BRD2: variants seen among roughly 807,000 people sequenced by gnomAD.
BRD2 encodes bromodomain-containing protein 2.
BRD2 carries 15 observed loss-of-function variants against 79.1 expected under a neutral mutation model. The ratio of observed to expected loss-of-function variants is 0.19; its 90% CI spans 0.13 to 0.29. The LOEUF (loss-of-function observed/expected upper bound fraction) is 0.29, where lower values mean the gene tolerates loss of function less well. BRD2 is among the 10% of genes least tolerant of loss of function. The probability of loss-of-function intolerance (pLI) is 1.00; values close to 1 mark genes in which losing one functional copy is unlikely to be tolerated. For missense variants in BRD2, 1,053 were observed against 991.3 expected, an observed-to-expected ratio of 1.06 and a Z score of -0.84; for synonymous variants, 488 against 358.6, an observed-to-expected ratio of 1.36 and a Z score of -4.08.
intron 11 of BRD2, 64 bp downstream of exon 11, chr6:32,980,196 GT>G: frequency 6.3e-7 from 1 of 1,578,318 alleles, no homozygotes; most frequent in Non-Finnish European, 8.6e-7. Context: ...GGTGGGGTCT[GT>G]TTGCATTCAG....
At chr6:32,973,952 G>A (rs1265517616) in intron 2 of BRD2, among the ~76,000 whole-genome samples, 2 of 152,060 alleles carry the variant, frequency 1.3e-5, no homozygotes, top group Non-Finnish European at 2.9e-5. Flanking sequence ...TGTGGAAGAT[G>A]GTGCTCTCTC....
rs1779399190 is a variant in BRD2, at chr6:32,980,587, G to A, written c.2275G>A (p.Glu759Lys). ...CTTTCGAATTTGTTCTGCAGCGAAT[G>A]AGAAAACAGAGTCATCCTCTGCACA... ...STKKPPKKAN[E>K]KTESSSAQQV... Residue 759 changes from glutamate (E) to lysine (K), a missense_variant, in exon 13 of 13, where the codon GAG (glutamate) becomes AAG (lysine). Transcript: ENST00000374825. 3 of 1,613,000 alleles carry A rather than the reference G, an allele frequency of 1.9e-6. No individual in the cohort carries two copies. Among genetic ancestry groups the A allele is most frequent in the Non-Finnish European group, 2.5e-6 (3 of 1,180,048 alleles).
intron 4 of BRD2, 66 bp downstream of exon 4, chr6:32,975,587 T>C (rs899307138): frequency 7.0e-6 from 11 of 1,575,060 alleles, no homozygotes; most frequent in African/African-American, 6.8e-5. Context: ...TTGCTGGATA[T>C]GTTGTCTACA....
chr6:32,979,747 G>C, intron 10 of BRD2, 81 bp from the exon 11 acceptor site: 2 of 1,479,816 alleles, frequency 1.4e-6, no homozygotes, highest in Admixed American at 2.2e-5. Context: ...GCAGGAAATA[G>C]GATCACTGAA....
In BRD2 at chr6:32,972,036, G is replaced by T; in HGVS notation, c.-863G>T. On this transcript the variant is annotated 5_prime_UTR_variant, in exon 2 of 13. Transcript: ENST00000374825. ...CGGCTGGCCAATAGAAAAAGCTCCC[G>T]CGGAGAGGTGTTCCTTCCCCTTCGA... 1 of 701,778 alleles carries T rather than the reference G, an allele frequency of 1.4e-6. No homozygotes were observed. The allele number at this position is 701,778 out of a possible 1,614,324, so 43.5% of individuals were successfully genotyped here.
At position 32,972,121 on chromosome 6, in the gene BRD2, A is replaced by G; in HGVS notation, c.-778A>G. The G allele has an allele frequency of 1.5e-6, 1 of 680,066 alleles. No individual in the cohort carries two copies. The highest frequency in any genetic ancestry group is 2.7e-5 in the East Asian group (1 of 36,370). 42.1% of individuals were successfully genotyped at this position (680,066 alleles called of 1,614,324 possible). On this transcript the variant is annotated 5_prime_UTR_variant, in exon 2 of 13. Coordinates refer to ENST00000374825, the MANE Select transcript of BRD2 (RefSeq NM_005104.4). ...GCGCGGAGGGGGTGGGGAAAAGCTC[A>G]AGCAGGGTGGCGCGCATGAGCGGCG...
Position 32,975,026 on chromosome 6 carries a change from C to A in BRD2, c.333+261C>A, listed in dbSNP as rs1479988828. The A allele has an allele frequency of 7.2e-6, 11 of 1,527,018 alleles. No homozygotes were observed. The East Asian group carries it at 2.7e-4, about 38-fold the overall frequency. The allele number at this position is 1,527,018 out of a possible 1,614,324, so 94.6% of individuals were successfully genotyped here. A position where few individuals can be genotyped will look rare whatever the true frequency, so the allele number is the denominator to read the frequency against. On this transcript the variant is annotated intron_variant, in intron 3 of 12. Coordinates refer to ENST00000374825, the MANE Select transcript of BRD2 (RefSeq NM_005104.4). ...GCCCTGGCTCCATTTTACAGATTCC[C>A]ACCTCGGGTTGGGAGAGGACCACGG...
Position 32,977,483 on chromosome 6 carries a change from T to G in BRD2, c.1242T>G (p.Phe414Leu). 1.2e-6 allele frequency: 2 copies of G among 1,614,048 alleles called. No homozygotes were observed. Among genetic ancestry groups the G allele is most frequent in the South Asian group, 2.2e-5 (2 of 91,086 alleles). The change falls in exon 8 of 13, where the codon TTT (phenylalanine) becomes TTG (leucine). Residue 414 changes from phenylalanine to leucine, a missense_variant. Phe to Leu is a conservative substitution (Grantham distance 22). This residue lies in a region of BRD2 where 454 missense variants were observed against 430.5 expected (regional missense o/e 1.05). Transcript: ENST00000374825. ...ENRDYRDAQE[F>L]AADVRLMFSN... The stretch of plus-strand genomic sequence containing the variant: ...GTGATTACCGGGATGCACAGGAGTT[T>G]GCTGCTGATGTACGGCTTATGTTCT...
At chr6:32,979,778 T>C (rs747874657) in intron 10 of BRD2, 50 bp from the exon 11 acceptor site, 4 of 1,569,780 alleles carry the variant, frequency 2.5e-6, no homozygotes, top group Non-Finnish European at 3.5e-6. Context: ...GGGAACATAC[T>C]GGAAGAGGTT....
In BRD2 at chr6:32,977,460, G is replaced by T; in HGVS notation, c.1219G>T (p.Asp407Tyr). 1 of 1,613,974 alleles carries T rather than the reference G, an allele frequency of 6.2e-7. No individual in the cohort carries two copies. Among genetic ancestry groups the T allele is most frequent in the Non-Finnish European group, 8.5e-7 (1 of 1,180,034 alleles). ...TCTGCAGCGGAAGATGGAGAACCGT[G>T]ATTACCGGGATGCACAGGAGTTTGC... is the stretch of plus-strand genomic sequence containing the variant. ...STVKRKMENR[D>Y]YRDAQEFAAD... Residue 407 changes from aspartate to tyrosine, a missense_variant, in exon 8 of 13, where the codon GAT becomes TAT. Asp to Tyr is a radical substitution (Grantham distance 160, BLOSUM62 -3). Around this residue, in one of 5 missense-constraint regions of BRD2, gnomAD observed 454 missense variants for 430.5 expected, o/e 1.05. Coordinates refer to ENST00000374825, the MANE Select transcript of BRD2 (RefSeq NM_005104.4).
chr6:32,977,128 GTTTC>G (rs1211713365), intron 7 of BRD2, 192 bp downstream of exon 7: 6 of 1,245,884 alleles, frequency 4.8e-6, no homozygotes, highest in East Asian at 5.1e-5. Flanking sequence ...GTAGGGTGGG[GTTTC>G]TTTGTCTTGA....
chr6:32,980,237 G>A, intron 11 of BRD2, 105 bp downstream of exon 11: 1 of 1,576,704 alleles, frequency 6.3e-7, no homozygotes, highest in South Asian at 1.2e-5. Context: ...AATGGGATGT[G>A]TTGGTTGGCA....
At chr6:32,969,893 C>G (rs770885134) in intron 1 of BRD2, among the ~76,000 whole-genome samples, 16 of 152,202 alleles carry the variant, frequency 1.1e-4, no homozygotes, top group South Asian at 2.1e-4. Context: ...TCCCCTCCCC[C>G]AGTCCTGAAC....
chr6:32,971,485 GT>G, intron 1 of BRD2, 109 bp from the exon 2 acceptor site: 1 of 417,834 alleles, frequency 2.4e-6, no homozygotes, highest in Non-Finnish European at 4.2e-6. Flanking sequence ...GTTTTAGACT[GT>G]GGGGCATGGG....
chr6:32,972,285 C>G lies in BRD2; in HGVS notation c.-614C>G, dbSNP rs1778112466. The G allele has an allele frequency of 9.6e-6, 4 of 416,478 alleles. No individual in the cohort carries two copies. Among genetic ancestry groups the G allele is most frequent in the Non-Finnish European group, 1.8e-5 (4 of 220,516 alleles). 25.8% of individuals were successfully genotyped at this position (416,478 alleles called of 1,614,324 possible). ...AGAGCCTTCGAGTCGTCCGGGGCCG[C>G]CATTACAATCCACCTCCATCCGCTT... is the stretch of plus-strand genomic sequence containing the variant. On this transcript the variant is annotated 5_prime_UTR_variant, in exon 2 of 13. Transcript: ENST00000374825.
intron 10 of BRD2, 152 bp downstream of exon 10, chr6:32,978,540 G>GT (rs1307999614): frequency 2.3e-6 from 3 of 1,316,030 alleles, no homozygotes; most frequent in Non-Finnish European, 3.1e-6. Flanking sequence ...CCAGGGACCA[G>GT]TTTCGTGGAA....
Position 32,976,714 on chromosome 6 carries a change from C to G in BRD2, c.978C>G (p.Pro326=). ...MRRESGRPIK[P]PRKDLPDSQQ... ...GAGAGAGTGGTCGCCCCATCAAGCCCCCACGCAAAGACTTGCCTGACTCTC... is the reference window on the plus strand; with the variant it reads ...GAGAGAGTGGTCGCCCCATCAAGCCGCCACGCAAAGACTTGCCTGACTCTC... The change falls in exon 7 of 13, where the codon CCC becomes CCG. Residue 326 remains proline, a synonymous_variant. Coordinates refer to ENST00000374825, the MANE Select transcript of BRD2 (RefSeq NM_005104.4). 1 of 1,612,904 alleles carries G rather than the reference C, an allele frequency of 6.2e-7. No homozygotes were observed. The highest frequency in any genetic ancestry group is 8.5e-7 in the Non-Finnish European group (1 of 1,179,940).
In BRD2 at chr6:32,971,966, C is replaced by G. The variant is rs1312739149; in HGVS notation, c.-933C>G. The G allele has an allele frequency of 4.3e-6, 3 of 703,006 alleles. No homozygotes were observed. Among genetic ancestry groups the G allele is most frequent in the Admixed American group, 2.0e-5 (1 of 50,010 alleles). 43.5% of individuals were successfully genotyped at this position (703,006 alleles called of 1,614,324 possible). A position where few individuals can be genotyped will look rare whatever the true frequency, so the allele number is the denominator to read the frequency against. On this transcript the variant is annotated 5_prime_UTR_variant, in exon 2 of 13. Transcript: ENST00000374825. ...GTGGGTCTCTGCGGCACTCTTCTGC[C>G]TGGTGACTGACACCTTGGAAATGAA...
chr6:32,975,268 C>T (rs1221228317), intron 3 of BRD2, 116 bp from the exon 4 acceptor site: 3 of 1,109,534 alleles, frequency 2.7e-6, no homozygotes, highest in Admixed American at 5.0e-5. Context: ...GTAACTGTTC[C>T]TTTGATGCAT....
Sources: gnomAD v4.1 joint callset for allele counts (sites outside exome capture counted in the v4.1 genomes callset) on GRCh38, gnomAD v4.1.1 for gene constraint, gnomAD v4.1.1 regional missense constraint, MANE v1.5 for transcripts, NCBI Gene and HGNC (gene_info 2026-07-23, HGNC 2026-07-21) for gene names.